Variants in PCLO observed in about 807,000 individuals in gnomAD.
PCLO encodes the protein piccolo presynaptic cytomatrix protein, also known as protein piccolo.
A neutral mutation model predicts 427.5 loss-of-function variants in PCLO; 82 were observed. The observed-to-expected ratio is 0.19, with a 90% CI of 0.16 to 0.23. The LOEUF is 0.23. PCLO is among the 10% of genes least tolerant of loss of function. The pLI is 1.00. For missense variants in PCLO, 6,239 were observed against 6,115.9 expected (o/e 1.02, Z -0.67); for synonymous variants, 2,357 against 2,155.4 (o/e 1.09, Z -2.59).
At chr7:82,923,982 A>G (rs1794655208) in intron 6 of PCLO, among the ~76,000 whole-genome samples, 1 of 152,076 alleles carries the variant, frequency 6.6e-6, no homozygotes, top group Non-Finnish European at 1.5e-5. Flanking sequence ...TGCATTGGCA[A>G]ATGTCTCCTG....
chr7:83,035,660 A>G (rs2116171357), intron 3 of PCLO, among the ~76,000 whole-genome samples: 1 of 152,250 alleles, frequency 6.6e-6, no homozygotes, highest in East Asian at 1.9e-4. Context: ...TAATCAATGA[A>G]TTAAAAACAT....
At chr7:82,981,274 A>G (rs1428063998) in intron 3 of PCLO, among the ~76,000 whole-genome samples, 2 of 152,050 alleles carry the variant, frequency 1.3e-5, no homozygotes, top group African/African-American at 4.8e-5. Flanking sequence ...CTTAAAGAAT[A>G]CAGAGGGTAC....
chr7:83,010,294 G>T (rs1788046701), intron 3 of PCLO, among the ~76,000 whole-genome samples: 1 of 151,692 alleles, frequency 6.6e-6, no homozygotes, highest in African/African-American at 2.4e-5. Context: ...TATTTTTTAG[G>T]TATCTCAACT....
intron 6 of PCLO, among the ~76,000 whole-genome samples, chr7:82,940,398 A>G (rs901650916): frequency 5.3e-5 from 8 of 152,236 alleles, no homozygotes; most frequent in Non-Finnish European, 1.2e-4. Context: ...GAAGCTCTTT[A>G]CAATGAACAT....
intron 9 of PCLO, among the ~76,000 whole-genome samples, chr7:82,901,842 C>A (rs1327359629): frequency 6.6e-6 from 1 of 152,008 alleles, no homozygotes; most frequent in Non-Finnish European, 1.5e-5. Flanking sequence ...TCATCACTGG[C>A]CATCAGAGAA....
intron 9 of PCLO, among the ~76,000 whole-genome samples, chr7:82,884,510 A>G (rs1793584165): frequency 6.6e-6 from 1 of 152,216 alleles, no homozygotes; most frequent in Admixed American, 6.5e-5. Context: ...TGCATTCTTC[A>G]TTCATGTAAT....
Position 82,757,332 on chromosome 7 carries a change from A to AGT in PCLO, c.*1241_*1242dup, listed in dbSNP as rs1192232010. ...ATTCATTATTATTAAAATAGCTCAA[A>AGT]GTATATTTTAATCTCAGGTAAATGT... On this transcript the variant is annotated 3_prime_UTR_variant, in exon 25 of 25. Coordinates refer to ENST00000333891, the MANE Select transcript of PCLO (RefSeq NM_033026.6). The AGT allele has an allele frequency of 6.6e-6, 1 of 152,004 alleles. No individual in the cohort carries two copies. The highest frequency in any genetic ancestry group is 1.5e-5 in the Non-Finnish European group (1 of 67,952). 9.4% of individuals were successfully genotyped at this position (152,004 alleles called of 1,614,324 possible).
Position 82,805,714 on chromosome 7 carries a change from C to G in PCLO, c.14907G>C (p.Glu4969Asp). 8 of 1,612,764 alleles carry G rather than the reference C, an allele frequency of 5.0e-6. No homozygotes were observed. Among genetic ancestry groups the G allele is most frequent in the African/African-American group, 1.3e-5 (1 of 74,976 alleles). The change falls in exon 21 of 25, where the codon GAG becomes GAC. Residue 4969 changes from glutamate to aspartate, a missense_variant. By Grantham distance (45) the Glu-to-Asp change is conservative. This residue lies in a region of PCLO where 877 missense variants were observed against 925.5 expected (regional missense o/e 0.95). Coordinates refer to ENST00000333891, the MANE Select transcript of PCLO (RefSeq NM_033026.6). ...DSEGSSSTAG[E>D]TNLFPIPRIG... ...TCCTCGGAATAGGAAATAGATTAGT[C>G]TCCCCTGCAGTGCTGCTGCTTCCTT...
At chr7:83,139,683 C>A (rs1296083712) in intron 2 of PCLO, among the ~76,000 whole-genome samples, 2 of 152,074 alleles carry the variant, frequency 1.3e-5, no homozygotes, top group Non-Finnish European at 1.5e-5. Context: ...GACTCCAACC[C>A]CTCATCTTTT....
Position 82,822,679 on chromosome 7 carries a change from A to G in PCLO, c.14607T>C (p.Val4869=), listed in dbSNP as rs774188090. Residue 4869 remains valine, a synonymous_variant, in exon 20 of 25, where the codon GTT becomes GTC. Transcript: ENST00000333891. ...IFPDPSKDMQ[V]PTIEKSHSSP... ...TACTATGGGATTTCTCAATGGTGGGAACCTGCATGTCTGGTCACAAAAGGG... is the reference window on the plus strand; with the variant it reads ...TACTATGGGATTTCTCAATGGTGGGGACCTGCATGTCTGGTCACAAAAGGG... 2.5e-6 allele frequency: 4 copies of G among 1,613,154 alleles called. No homozygotes were observed. Among genetic ancestry groups the G allele is most frequent in the African/African-American group, 1.3e-5 (1 of 75,042 alleles).
chr7:82,979,507 T>C (rs1796099886), intron 3 of PCLO, among the ~76,000 whole-genome samples: 2 of 152,290 alleles, frequency 1.3e-5, no homozygotes, highest in South Asian at 4.1e-4. Context: ...ATATTTACTA[T>C]TTGCTTTGCT....
chr7:83,100,077 A>G (rs1273800701), intron 3 of PCLO, among the ~76,000 whole-genome samples: 1 of 152,210 alleles, frequency 6.6e-6, no homozygotes, highest in East Asian at 1.9e-4. Context: ...ATATCCATCT[A>G]TCTAAACCTA....
Position 82,952,296 on chromosome 7 carries a change from C to T in PCLO, c.8657G>A (p.Ser2886Asn), listed in dbSNP as rs762639670. 4 of 1,613,858 alleles carry T rather than the reference C, an allele frequency of 2.5e-6. No individual in the cohort carries two copies. Among genetic ancestry groups the T allele is most frequent in the East Asian group, 2.2e-5 (1 of 44,886 alleles). The part of the protein sequence containing the change: ...PVGVTNGWTD[S>N]TVSQGITDGE... Reference sequence around the variant, plus strand: ...ATCAGTGATTCCCTGGGATACGGTGCTATCAGTCCATCCATTTGTGACACC... The same window carrying T: ...ATCAGTGATTCCCTGGGATACGGTGTTATCAGTCCATCCATTTGTGACACC... The change falls in exon 5 of 25, where the codon AGC becomes AAC. Residue 2886 changes from serine (S) to asparagine (N), a missense_variant. By Grantham distance (46) the Ser-to-Asn change is conservative. Coordinates refer to ENST00000333891, the MANE Select transcript of PCLO (RefSeq NM_033026.6).
At chr7:82,825,614 G>C (rs1026359143) in intron 18 of PCLO, among the ~76,000 whole-genome samples, 2 of 148,074 alleles carry the variant, frequency 1.4e-5, no homozygotes, top group African/African-American at 4.9e-5. Context: ...ATGTGTATGT[G>C]TGTATATATA....
At chr7:83,001,493 A>C (rs902518222) in intron 3 of PCLO, among the ~76,000 whole-genome samples, 2 of 128,740 alleles carry the variant, frequency 1.6e-5, no homozygotes, top group Non-Finnish European at 3.1e-5. Flanking sequence ...TGTTCACTCT[A>C]ACACACATAC....
In PCLO at chr7:82,956,052, T is replaced by C. The variant is rs1173307645; in HGVS notation, c.4901A>G (p.Asp1634Gly). The change falls in exon 5 of 25, where the codon GAT (aspartate) becomes GGT (glycine). Residue 1634 changes from aspartate to glycine, a missense_variant. By Grantham distance (94) the Asp-to-Gly change is moderately conservative (BLOSUM62 -1). Transcript: ENST00000333891. ...TTCAGGACTTTCATCAAATGCTTCA[T>C]CGTCTTCATCATGCCATGAGTGACG... is the stretch of plus-strand genomic sequence containing the variant. ...GRRHSWHDED[D>G]EAFDESPELK... 3 of 1,612,866 alleles carry C rather than the reference T, an allele frequency of 1.9e-6. No homozygotes were observed. The highest frequency in any genetic ancestry group is 2.2e-5 in the South Asian group (2 of 91,078).
intron 2 of PCLO, among the ~76,000 whole-genome samples, chr7:83,136,780 T>C (rs989384258): frequency 1.3e-5 from 2 of 152,160 alleles, no homozygotes; most frequent in Non-Finnish European, 2.9e-5. Context: ...TTTGTATATA[T>C]ATGAGATATA....
intron 22 of PCLO, among the ~76,000 whole-genome samples, chr7:82,771,443 T>C (rs557105344): frequency 6.6e-6 from 1 of 152,106 alleles, no homozygotes; most frequent in East Asian, 1.9e-4. Context: ...AGAAATATAA[T>C]TTTCCACTCT....
At position 82,915,600 on chromosome 7, in the gene PCLO, T is replaced by G; in HGVS notation, c.12386A>C (p.Lys4129Thr). Residue 4129 changes from lysine to threonine, a missense_variant, in exon 7 of 25, where the codon AAA (lysine) becomes ACA (threonine). By Grantham distance (78) the Lys-to-Thr change is moderately conservative. Coordinates refer to ENST00000333891, the MANE Select transcript of PCLO (RefSeq NM_033026.6). The stretch of plus-strand genomic sequence containing the variant: ...CTCTGTCCCTCTACGAAATTCCTGT[T>G]TAATCTGATGTTTCAGAAGCTTTAA... ...YELKLLKHQIKQEFRRGTESL... is the reference protein window; with the variant it reads ...YELKLLKHQITQEFRRGTESL... 1 of 1,613,536 alleles carries G rather than the reference T, an allele frequency of 6.2e-7. No individual in the cohort carries two copies. Among genetic ancestry groups the G allele is most frequent in the Non-Finnish European group, 8.5e-7 (1 of 1,179,660 alleles).
Sources: allele counts gnomAD v4.1 joint callset (sites outside exome capture counted in the v4.1 genomes callset), GRCh38; gene constraint gnomAD v4.1.1; regional missense constraint gnomAD v4.1.1; transcripts MANE v1.5; gene names NCBI Gene and HGNC (gene_info 2026-07-23, HGNC 2026-07-21).